EPHA3: variants seen among roughly 807,000 people sequenced by gnomAD.
EPHA3 encodes the protein ephrin type-A receptor 3.
EPHA3 carries 42 observed loss-of-function variants against 107.1 expected under a neutral mutation model. The observed-to-expected ratio is 0.39, with a 90% CI of 0.31 to 0.51. The LOEUF is 0.51. Among genes scored for constraint, EPHA3 ranks in the 20% least tolerant of loss-of-function variants. EPHA3 has a pLI of 0.78. For synonymous variants in EPHA3, 461 were observed against 424.8 expected (o/e 1.09, Z -1.05); for missense variants, 1,183 against 1,211.2 (o/e 0.98, Z 0.35).
Position 89,314,885 on chromosome 3 carries a change from T to G in EPHA3, c.815-26031T>G, listed in dbSNP as rs1559643660. Among the ~76,000 whole-genome samples, 3 of 151,952 alleles carry G rather than the reference T, an allele frequency of 2.0e-5. No homozygotes were observed. In the Admixed American group the frequency reaches 2.0e-4, roughly 10 times the overall value. ...ATGCATCCCTGGGTGATTTTGTCGT[T>G]GTGCAAATATCATAGAATGTACTTA... On this transcript the variant is annotated intron_variant, in intron 3 of 16. Coordinates refer to ENST00000336596, the MANE Select transcript of EPHA3 (RefSeq NM_005233.6).
At chr3:89,226,474 T>C (rs143960500) in intron 3 of EPHA3, among the ~76,000 whole-genome samples, 9 of 152,268 alleles carry the variant, frequency 5.9e-5, no homozygotes, top group African/African-American at 2.2e-4. Flanking sequence ...AGGTTTATTA[T>C]ACATCAAGTA....
chr3:89,248,190 T>C (rs1239128199), intron 3 of EPHA3, among the ~76,000 whole-genome samples: 1 of 152,188 alleles, frequency 6.6e-6, no homozygotes, highest in Non-Finnish European at 1.5e-5. Flanking sequence ...ATGAAATCCA[T>C]GCCCATTTTT....
intron 2 of EPHA3, among the ~76,000 whole-genome samples, chr3:89,206,751 T>G (rs7426466): frequency 0.94 from 143,575 of 152,228 alleles, 67,776 homozygotes; most frequent in Admixed American, 0.97. Context: ...AGACGCTCAG[T>G]TGCTCTTATC....
chr3:89,475,731 A>C (rs2107578101), intron 16 of EPHA3, among the ~76,000 whole-genome samples: 1 of 152,318 alleles, frequency 6.6e-6, no homozygotes, highest in South Asian at 2.1e-4. Flanking sequence ...GCACCCTTGG[A>C]TGCCATTTTC....
At chr3:89,447,177 A>T (rs1051181775) in intron 13 of EPHA3, among the ~76,000 whole-genome samples, 1 of 152,162 alleles carries the variant, frequency 6.6e-6, no homozygotes, top group African/African-American at 2.4e-5. Context: ...TGCACGTTGC[A>T]CACTGTAGTT....
chr3:89,318,632 T>TA (rs1397100893), intron 3 of EPHA3, among the ~76,000 whole-genome samples: 1 of 151,924 alleles, frequency 6.6e-6, no homozygotes, highest in Non-Finnish European at 1.5e-5. Flanking sequence ...TACCCATGTT[T>TA]AAATGCATTT....
intron 3 of EPHA3, among the ~76,000 whole-genome samples, chr3:89,298,595 G>A (rs1392311910): frequency 6.6e-6 from 1 of 152,014 alleles, no homozygotes; most frequent in Non-Finnish European, 1.5e-5. Flanking sequence ...GGTAAATTCA[G>A]TCTCTGTTAC....
At chr3:89,381,268 G>A (rs1019850372) in intron 5 of EPHA3, among the ~76,000 whole-genome samples, 3 of 151,400 alleles carry the variant, frequency 2.0e-5, no homozygotes, top group South Asian at 2.1e-4. Flanking sequence ...CACCGCGCCC[G>A]GCCTATAGGC....
chr3:89,388,880 A>G (rs1288686794), intron 5 of EPHA3, among the ~76,000 whole-genome samples: 1 of 152,200 alleles, frequency 6.6e-6, no homozygotes, highest in Non-Finnish European at 1.5e-5. Flanking sequence ...AGGGGAATCA[A>G]TGTTTCATTT....
chr3:89,455,255 G>A (rs1275822516), intron 15 of EPHA3, among the ~76,000 whole-genome samples: 1 of 152,200 alleles, frequency 6.6e-6, no homozygotes, highest in Non-Finnish European at 1.5e-5. Flanking sequence ...CTGCGAAAGA[G>A]TCTGAGGAGC....
intron 3 of EPHA3, among the ~76,000 whole-genome samples, chr3:89,309,673 T>G (rs1706718506): frequency 6.6e-6 from 1 of 152,158 alleles, no homozygotes. Context: ...TCTAATTCAT[T>G]TATTTGATAG....
At chr3:89,433,294 TATTCCCG>T (rs569197344) in intron 13 of EPHA3, among the ~76,000 whole-genome samples, 1 of 150,236 alleles carries the variant, frequency 6.7e-6, no homozygotes, top group Non-Finnish European at 1.5e-5. Context: ...TTTAAAAGTT[TATTCCCG>T]ATTAAAAAAA....
At chr3:89,137,051 T>A (rs1292843030) in intron 2 of EPHA3, among the ~76,000 whole-genome samples, 1 of 151,952 alleles carries the variant, frequency 6.6e-6, no homozygotes, top group Non-Finnish European at 1.5e-5. Context: ...ATATACATAT[T>A]ATAATTTTAA....
intron 2 of EPHA3, among the ~76,000 whole-genome samples, chr3:89,157,102 A>T (rs1263943641): frequency 6.6e-6 from 1 of 152,052 alleles, no homozygotes; most frequent in African/African-American, 2.4e-5. Flanking sequence ...GTTTGCAGAT[A>T]TATAAGAATG....
chr3:89,284,229 G>A (rs1292952058), intron 3 of EPHA3, among the ~76,000 whole-genome samples: 6 of 151,846 alleles, frequency 4.0e-5, no homozygotes, highest in Admixed American at 6.6e-5. Context: ...TACACATTTG[G>A]GGTAGTTCTG....
chr3:89,255,126 A>G (rs1705251747), intron 3 of EPHA3, among the ~76,000 whole-genome samples: 1 of 152,126 alleles, frequency 6.6e-6, no homozygotes. Context: ...GAACTTTTAT[A>G]AAATATTCAG....
chr3:89,330,122 A>T (rs1387776358), intron 3 of EPHA3, among the ~76,000 whole-genome samples: 1 of 151,976 alleles, frequency 6.6e-6, no homozygotes. Context: ...CATGGTGTTT[A>T]TGTTTTCCTT....
At chr3:89,422,192 AACACACACACAC>A (rs56370135) in intron 11 of EPHA3, among the ~76,000 whole-genome samples, 1,972 of 140,568 alleles carry the variant, frequency 0.014, 53 homozygotes, top group African/African-American at 0.049. Context: ...TGTTGTATTT[AACACACACACAC>A]ACACACACAC....
At chr3:89,378,434 T>A (rs1223915944) in intron 5 of EPHA3, among the ~76,000 whole-genome samples, 4 of 152,166 alleles carry the variant, frequency 2.6e-5, no homozygotes, top group Admixed American at 6.5e-5. Context: ...CATCATTGCA[T>A]TTTTAACTAT....
Sources: gnomAD v4.1 joint callset for allele counts (sites outside exome capture counted in the v4.1 genomes callset) on GRCh38, gnomAD v4.1.1 for gene constraint, MANE v1.5 for transcripts, NCBI Gene and HGNC (gene_info 2026-07-23, HGNC 2026-07-21) for gene names.